VPS13C: variants seen among roughly 807,000 people sequenced by gnomAD.
The protein encoded by VPS13C is vacuolar protein sorting 13 homolog C, also known as intermembrane lipid transfer protein VPS13C.
A neutral mutation model predicts 456.8 loss-of-function variants in VPS13C; 358 were observed. The ratio of observed to expected loss-of-function variants is 0.78; its 90% CI spans 0.72 to 0.86. The LOEUF (loss-of-function observed/expected upper bound fraction) is 0.86. Ranked by LOEUF, VPS13C falls within the 40% of genes least tolerant of loss-of-function variation. The pLI, the probability that VPS13C is intolerant of heterozygous loss-of-function variation, is 0.00. For synonymous variants in VPS13C, 1,578 were observed against 1,486.7 expected, an observed-to-expected ratio of 1.06 and a Z score of -1.41; for missense variants, 4,818 against 4,385.4, an observed-to-expected ratio of 1.10 and a Z score of -2.79.
At chr15:62,018,051 G>C (rs1335617517) in intron 9 of VPS13C, among the ~76,000 whole-genome samples, 1 of 152,094 alleles carries the variant, frequency 6.6e-6, no homozygotes, top group Non-Finnish European at 1.5e-5. Flanking sequence ...TGAATCAATT[G>C]TGAATGGGAG....
At chr15:61,888,456 A>G (rs1596294688) in intron 67 of VPS13C, among the ~76,000 whole-genome samples, 1 of 152,204 alleles carries the variant, frequency 6.6e-6, no homozygotes, top group Admixed American at 6.5e-5. Context: ...ATCTCCTTCA[A>G]TAGTTGAATG....
chr15:61,920,942 C>T (rs1490634665), intron 55 of VPS13C, among the ~76,000 whole-genome samples: 1 of 152,010 alleles, frequency 6.6e-6, no homozygotes, highest in East Asian at 1.9e-4. Context: ...TCAGTGTCAC[C>T]CAACTGGTGA....
chr15:61,965,060 T>A (rs1201880513), intron 30 of VPS13C, among the ~76,000 whole-genome samples, 199 bp from the exon 31 acceptor site: 1 of 151,918 alleles, frequency 6.6e-6, no homozygotes, highest in Non-Finnish European at 1.5e-5. Context: ...ACTTCAGGGG[T>A]ACATCAGAAT....
chr15:61,927,437 A>C, intron 51 of VPS13C, 117 bp from the exon 52 acceptor site: 1 of 728,858 alleles, frequency 1.4e-6, no homozygotes, highest in Non-Finnish European at 2.3e-6. Context: ...GATATGGTGA[A>C]ACTGACAATA....
chr15:61,890,274 C>T lies in VPS13C; in HGVS notation c.9232G>A (p.Glu3078Lys), dbSNP rs1335354349. ...VALVSKALQA[E>K]EMEQADYEIT... is the part of the protein sequence containing the mutation. The stretch of plus-strand genomic sequence containing the variant: ...TCATAATCAGCCTGTTCCATTTCTT[C>T]TGCCTGCAGTGCTTTGGAAACCAAG... The change falls in exon 67 of 85, where the codon GAA becomes AAA. Residue 3078 changes from glutamate to lysine, a missense_variant. Glu to Lys is a moderately conservative substitution (Grantham distance 56). Coordinates refer to ENST00000644861, the MANE Select transcript of VPS13C (RefSeq NM_020821.3). 1 of 1,613,974 alleles carries T rather than the reference C, an allele frequency of 6.2e-7. No homozygotes were observed. Among genetic ancestry groups the T allele is most frequent in the Non-Finnish European group, 8.5e-7 (1 of 1,180,030 alleles).
chr15:62,032,628 A>G (rs1166108063), intron 5 of VPS13C, among the ~76,000 whole-genome samples: 1 of 151,846 alleles, frequency 6.6e-6, no homozygotes, highest in African/African-American at 2.4e-5. Flanking sequence ...TAGGAAAAGA[A>G]ATCTTATATC....
intron 67 of VPS13C, among the ~76,000 whole-genome samples, chr15:61,887,956 A>G (rs913463802): frequency 6.6e-5 from 10 of 152,204 alleles, no homozygotes; most frequent in African/African-American, 2.4e-4. Flanking sequence ...CACATCTGAT[A>G]AAAGACTGGT....
At position 61,951,767 on chromosome 15, in the gene VPS13C, A is replaced by C. The variant is rs1392411238; in HGVS notation, c.4456+57T>G. ...AAATCAATATGTTTAATGTTGATAA[A>C]AAGGTAGGGATCATCTGCCTAATGA... On this transcript the variant is annotated intron_variant, in intron 39 of 84. Coordinates refer to ENST00000644861, the MANE Select transcript of VPS13C (RefSeq NM_020821.3). The C allele has an allele frequency of 2.6e-6, 4 of 1,513,512 alleles. No individual in the cohort carries two copies. The South Asian group carries it at 5.1e-5, about 19-fold the overall frequency. The allele number at this position is 1,513,512 out of a possible 1,614,324, so 93.8% of individuals were successfully genotyped here.
intron 15 of VPS13C, among the ~76,000 whole-genome samples, chr15:62,007,035 C>A (rs1367095239): frequency 6.6e-6 from 1 of 152,082 alleles, no homozygotes; most frequent in Non-Finnish European, 1.5e-5. Flanking sequence ...AGCTCTGATA[C>A]TGACTTCCTA....
intron 66 of VPS13C, chr15:61,906,823 A>G (rs2043165296): frequency 5.8e-6 from 1 of 171,122 alleles, no homozygotes; most frequent in African/African-American, 2.4e-5. Flanking sequence ...TTCGATAAAT[A>G]TTTCACTAAA....
chr15:61,903,134 T>C (rs1037888195), intron 66 of VPS13C, among the ~76,000 whole-genome samples: 1 of 151,882 alleles, frequency 6.6e-6, no homozygotes, highest in South Asian at 2.1e-4. Flanking sequence ...GAGACCAGCC[T>C]GGGCAACATG....
intron 81 of VPS13C, chr15:61,865,688 G>GTA (rs766847959): frequency 8.7e-5 from 33 of 378,654 alleles, no homozygotes; most frequent in Admixed American, 2.0e-4. Context: ...ATTTGTATGT[G>GTA]TATATATATG....
intron 66 of VPS13C, among the ~76,000 whole-genome samples, chr15:61,898,597 A>G (rs1013404565): frequency 6.6e-6 from 1 of 151,446 alleles, no homozygotes; most frequent in African/African-American, 2.4e-5. Flanking sequence ...ACCCAGATTC[A>G]TAAAGCAAGT....
intron 10 of VPS13C, among the ~76,000 whole-genome samples, chr15:62,013,697 G>C (rs1424920969): frequency 1.3e-5 from 2 of 151,924 alleles, no homozygotes; most frequent in Non-Finnish European, 2.9e-5. Flanking sequence ...ATCTAATAAA[G>C]TACCATTTGG....
intron 47 of VPS13C, 108 bp from the exon 48 acceptor site, chr15:61,936,858 A>G (rs1166470166): frequency 8.6e-7 from 1 of 1,165,188 alleles, no homozygotes; most frequent in Non-Finnish European, 1.2e-6. Flanking sequence ...CCTACTTAAA[A>G]AGAAGAGAGT....
intron 23 of VPS13C, 55 bp from the exon 24 acceptor site, chr15:61,977,254 A>G: frequency 2.0e-6 from 2 of 1,000,058 alleles, no homozygotes; most frequent in South Asian, 3.9e-5. Context: ...GCCATGGAAC[A>G]TGGATAAATA....
intron 16 of VPS13C, among the ~76,000 whole-genome samples, chr15:61,995,947 G>C (rs1413774079): frequency 6.6e-6 from 1 of 152,178 alleles, no homozygotes; most frequent in Non-Finnish European, 1.5e-5. Flanking sequence ...CCTCACCATG[G>C]AGCACAGCAG....
At chr15:61,884,890 A>G (rs1896156448) in intron 67 of VPS13C, among the ~76,000 whole-genome samples, 1 of 152,128 alleles carries the variant, frequency 6.6e-6, no homozygotes, top group East Asian at 1.9e-4. Context: ...CTTGGAAGGC[A>G]TTCATAAAAT....
chr15:62,041,492 A>G (rs1278296574), intron 2 of VPS13C, 126 bp from the exon 3 acceptor site: 34 of 861,770 alleles, frequency 3.9e-5, no homozygotes, highest in South Asian at 7.1e-5. Flanking sequence ...CTATATTTGA[A>G]TAACTCATAA....
Sources: gnomAD v4.1 joint callset for allele counts (sites outside exome capture counted in the v4.1 genomes callset) on GRCh38, gnomAD v4.1.1 for gene constraint, MANE v1.5 for transcripts, NCBI Gene and HGNC (gene_info 2026-07-23, HGNC 2026-07-21) for gene names.